The following SCFD2 variants were observed in gnomAD, a reference collection of about 807,000 sequenced individuals.
The protein encoded by SCFD2 is sec1 family domain-containing protein 2.
Under a neutral mutation model 58.9 loss-of-function variants are expected in SCFD2, and 54 were observed. That is an observed-to-expected ratio of 0.92 (90% confidence interval 0.74 to 1.15). The LOEUF (loss-of-function observed/expected upper bound fraction) is 1.15, where lower values mean the gene tolerates loss of function less well. Among genes scored for constraint, SCFD2 ranks in the 50% most tolerant of loss-of-function variants. SCFD2 has a pLI of 0.00. For missense variants in SCFD2, 805 were observed against 836.6 expected (o/e 0.96, Z 0.47); for synonymous variants, 321 against 335.9 (o/e 0.96, Z 0.49).
chr4:53,272,406 G>A (rs1444920024), intron 4 of SCFD2, among the ~76,000 whole-genome samples: 1 of 152,176 alleles, frequency 6.6e-6, no homozygotes, highest in Non-Finnish European at 1.5e-5. Context: ...GCACACGTAT[G>A]TTTATTGCAG....
chr4:53,170,311 T>C (rs1255627842), intron 4 of SCFD2, among the ~76,000 whole-genome samples: 1 of 152,344 alleles, frequency 6.6e-6, no homozygotes. Context: ...ACTGTGTGGA[T>C]TGGGCATCTT....
chr4:52,965,968 G>A (rs552129959), intron 5 of SCFD2, among the ~76,000 whole-genome samples: 2 of 152,262 alleles, frequency 1.3e-5, no homozygotes, highest in Admixed American at 6.5e-5. Context: ...GACTTCATGG[G>A]TGCTAAAAAT....
chr4:52,917,914 A>T (rs1165451461), intron 6 of SCFD2, among the ~76,000 whole-genome samples: 4 of 152,240 alleles, frequency 2.6e-5, no homozygotes, highest in Non-Finnish European at 5.9e-5. Flanking sequence ...CAAGGGAAGC[A>T]GGAGTGGCTC....
In SCFD2 at chr4:53,366,048, C is replaced by A. The variant is rs765922675; in HGVS notation, c.-107G>T. 2.3e-6 allele frequency: 3 copies of A among 1,320,418 alleles called. No homozygotes were observed. Among genetic ancestry groups the A allele is most frequent in the Non-Finnish European group, 2.0e-6 (2 of 976,416 alleles). The allele number at this position is 1,320,418 out of a possible 1,614,324, so 81.8% of individuals were successfully genotyped here. On this transcript the variant is annotated 5_prime_UTR_variant, in exon 1 of 9. Coordinates refer to ENST00000401642, the MANE Select transcript of SCFD2 (RefSeq NM_152540.4). ...AGACTTTGACAGTCTCCACAGTACACGTGGTCGGCCTCTGACACGCTCCCT... is the reference window on the plus strand; with the variant it reads ...AGACTTTGACAGTCTCCACAGTACAAGTGGTCGGCCTCTGACACGCTCCCT...
At chr4:53,095,444 T>TC (rs1341013816) in intron 5 of SCFD2, among the ~76,000 whole-genome samples, 4 of 152,062 alleles carry the variant, frequency 2.6e-5, no homozygotes, top group African/African-American at 9.7e-5. Context: ...TCTTTTTACC[T>TC]CCTTCACCAC....
chr4:52,917,650 G>C (rs1172504253), intron 6 of SCFD2, among the ~76,000 whole-genome samples: 1 of 152,154 alleles, frequency 6.6e-6, no homozygotes, highest in Non-Finnish European at 1.5e-5. Flanking sequence ...CACTCTCCAG[G>C]CTGTGAAAAG....
In SCFD2 at chr4:53,333,540, TAGCCATATGTAGAA is replaced by T. The variant is rs1174631514; in HGVS notation, c.1007+19044_1007+19057del. On this transcript the variant is annotated intron_variant, in intron 2 of 8. Transcript: ENST00000401642. ...AATAAATGGTGCTGGGAAAACTGGCTAGCCATATGTAGAAAGCTGAAACTGGATCCCTTCCTTAT... is the reference window on the plus strand; with the variant it reads ...AATAAATGGTGCTGGGAAAACTGGCTAGCTGAAACTGGATCCCTTCCTTAT... 2.6e-5 allele frequency among the ~76,000 whole-genome samples: 4 copies of T among 151,570 alleles called. No individual in the cohort carries two copies. In the East Asian group the frequency reaches 7.7e-4, roughly 29 times the overall value.
chr4:52,998,410 T>C (rs1288765679), intron 5 of SCFD2, among the ~76,000 whole-genome samples: 5 of 152,198 alleles, frequency 3.3e-5, no homozygotes, highest in African/African-American at 1.2e-4. Flanking sequence ...CCTGAGAAAC[T>C]TTTAGGTACC....
At chr4:52,892,104 T>C (rs9998405) in intron 7 of SCFD2, among the ~76,000 whole-genome samples, 11,072 of 152,286 alleles carry the variant, frequency 0.073, 549 homozygotes, top group African/African-American at 0.14. Context: ...ATTCAACAAG[T>C]CTGAAGTGCA....
At chr4:53,305,645 AT>A (rs1211426778) in intron 3 of SCFD2, among the ~76,000 whole-genome samples, 8 of 152,164 alleles carry the variant, frequency 5.3e-5, no homozygotes, top group African/African-American at 1.9e-4. Context: ...TGGGTTTATT[AT>A]TATCTCAATA....
chr4:53,140,391 T>TAAAATATATATATA (rs1222085896), intron 5 of SCFD2, among the ~76,000 whole-genome samples: 1 of 5,516 alleles, frequency 1.8e-4, no homozygotes, highest in East Asian at 7.9e-3. Flanking sequence ...CCAAAAATGC[T>TAAAATATATATATA]AATATATATA....
chr4:52,937,615 T>A (rs576113256), intron 5 of SCFD2, among the ~76,000 whole-genome samples: 3 of 152,270 alleles, frequency 2.0e-5, no homozygotes, highest in Admixed American at 6.5e-5. Context: ...AACACAATAA[T>A]CATCCAAATT....
chr4:53,270,992 A>G (rs1419587728), intron 4 of SCFD2, among the ~76,000 whole-genome samples: 1 of 152,150 alleles, frequency 6.6e-6, no homozygotes, highest in Non-Finnish European at 1.5e-5. Flanking sequence ...ACAAAACAAG[A>G]TATTTTGAGG....
chr4:53,059,993 C>A (rs1360502668), intron 5 of SCFD2, among the ~76,000 whole-genome samples: 1 of 152,070 alleles, frequency 6.6e-6, no homozygotes, highest in Non-Finnish European at 1.5e-5. Flanking sequence ...AGAATAGAAT[C>A]TCACATTGAA....
In SCFD2 at chr4:53,085,143, G is replaced by C. The variant is rs570117636; in HGVS notation, c.1561+60190C>G. On this transcript the variant is annotated intron_variant, in intron 5 of 8. Transcript: ENST00000401642. ...AATCTTATATTTGGAAAAAACCAAA[G>C]ACTCCACAAAAACTATTAGGACTGA... 1.3e-4 allele frequency among the ~76,000 whole-genome samples: 20 copies of C among 152,194 alleles called. No homozygotes were observed. The East Asian group carries it at 3.1e-3, about 23-fold the overall frequency.
chr4:53,166,583 C>T (rs530449576), intron 4 of SCFD2, among the ~76,000 whole-genome samples: 16 of 151,960 alleles, frequency 1.1e-4, no homozygotes, highest in African/African-American at 3.6e-4. Flanking sequence ...AAACATAAAC[C>T]GATTCTCTAG....
At position 53,067,663 on chromosome 4, in the gene SCFD2, G is replaced by T. The variant is rs541814758; in HGVS notation, c.1561+77670C>A. ...TCTCACCTGCTGTCATGTGAAGAAG[G>T]ACATGTTTGCTTCCCCTTCTGCCAT... On this transcript the variant is annotated intron_variant, in intron 5 of 8. Transcript: ENST00000401642. 3.3e-5 allele frequency among the ~76,000 whole-genome samples: 5 copies of T among 152,098 alleles called. No homozygotes were observed. The South Asian group carries it at 1.0e-3, about 32-fold the overall frequency.
chr4:53,234,866 A>C (rs1488688590), intron 4 of SCFD2, among the ~76,000 whole-genome samples: 1 of 152,232 alleles, frequency 6.6e-6, no homozygotes, highest in Non-Finnish European at 1.5e-5. Context: ...GAGATCCAAA[A>C]TTACAGTGCC....
At chr4:53,193,049 A>G (rs185479613) in intron 4 of SCFD2, among the ~76,000 whole-genome samples, 59 of 152,320 alleles carry the variant, frequency 3.9e-4, no homozygotes, top group Non-Finnish European at 6.8e-4. Context: ...CATAAATTAC[A>G]TCTAACTTGT....
Sources: gnomAD v4.1 joint callset for allele counts (sites outside exome capture counted in the v4.1 genomes callset) on GRCh38, gnomAD v4.1.1 for gene constraint, MANE v1.5 for transcripts, NCBI Gene and HGNC (gene_info 2026-07-23, HGNC 2026-07-21) for gene names.